The following CTNNA2 variants were observed in gnomAD, a reference collection of about 807,000 sequenced individuals.
CTNNA2 encodes the protein catenin alpha 2.
Under a neutral mutation model 101.0 loss-of-function variants are expected in CTNNA2, and 42 were observed. The observed-to-expected ratio is 0.42, with a 90% CI of 0.32 to 0.54. The LOEUF (loss-of-function observed/expected upper bound fraction) is 0.54, where lower values mean the gene tolerates loss of function less well. Among genes scored for constraint, CTNNA2 ranks in the 20% least tolerant of loss-of-function variants. CTNNA2 has a pLI of 0.14. For missense variants in CTNNA2, 871 were observed against 1,223.1 expected (o/e 0.71, Z 4.29); for synonymous variants, 450 against 456.4 (o/e 0.99, Z 0.18).
chr2:80,374,025 C>T (rs569361079), intron 7 of CTNNA2, among the ~76,000 whole-genome samples: 2 of 151,452 alleles, frequency 1.3e-5, no homozygotes, highest in East Asian at 3.9e-4. Context: ...TTTGCTAGGG[C>T]TACCATAACA....
At chr2:79,343,982 A>G (rs1481818281) in intron 3 of CTNNA2, among the ~76,000 whole-genome samples, 1 of 152,196 alleles carries the variant, frequency 6.6e-6, no homozygotes, top group Non-Finnish European at 1.5e-5. Context: ...TCCAAAACCA[A>G]TGAGGCTCCT....
chr2:79,977,358 G>A (rs1690942346), intron 7 of CTNNA2, among the ~76,000 whole-genome samples: 1 of 151,830 alleles, frequency 6.6e-6, no homozygotes, highest in Non-Finnish European at 1.5e-5. Flanking sequence ...AGCATTTTTG[G>A]TTCCCAAAAC....
intron 4 of CTNNA2, among the ~76,000 whole-genome samples, chr2:79,413,934 CATATATATAT>C (rs70940033): frequency 0.18 from 24,712 of 139,426 alleles, 2,668 homozygotes; most frequent in East Asian, 0.28. Flanking sequence ...GAGCTGAATT[CATATATATAT>C]ATATATATAT....
intron 4 of CTNNA2, among the ~76,000 whole-genome samples, chr2:79,397,652 A>T (rs1195340775): frequency 6.6e-6 from 1 of 151,684 alleles, no homozygotes; most frequent in African/African-American, 2.4e-5. Flanking sequence ...TGTTTGTTAA[A>T]TTTTTTCATT....
chr2:80,009,468 A>G (rs1356579516), intron 7 of CTNNA2, among the ~76,000 whole-genome samples: 1 of 152,088 alleles, frequency 6.6e-6, no homozygotes, highest in Non-Finnish European at 1.5e-5. Context: ...CTGCCTGAAG[A>G]CTCAACTGTG....
chr2:79,465,140 C>G (rs552319387), intron 4 of CTNNA2, among the ~76,000 whole-genome samples: 1 of 152,212 alleles, frequency 6.6e-6, no homozygotes, highest in Admixed American at 6.5e-5. Context: ...GTCTTTAATC[C>G]ATCTTGAATT....
chr2:79,289,000 T>G (rs1172272884), intron 2 of CTNNA2, among the ~76,000 whole-genome samples: 1 of 152,230 alleles, frequency 6.6e-6, no homozygotes, highest in Non-Finnish European at 1.5e-5. Flanking sequence ...ATGTCTGACA[T>G]GTCAAGATAC....
chr2:79,307,326 C>T (rs896945920), intron 2 of CTNNA2, among the ~76,000 whole-genome samples: 3 of 146,006 alleles, frequency 2.1e-5, no homozygotes, highest in Non-Finnish European at 4.5e-5. Context: ...TATAGAGCAC[C>T]GGAACTTACT....
intron 2 of CTNNA2, among the ~76,000 whole-genome samples, chr2:79,268,087 C>A (rs933727496): frequency 1.3e-5 from 2 of 152,078 alleles, no homozygotes; most frequent in Non-Finnish European, 2.9e-5. Flanking sequence ...TATTGAGAAG[C>A]TCATGGTGGC....
At chr2:79,361,404 A>C (rs930734975) in intron 3 of CTNNA2, among the ~76,000 whole-genome samples, 2 of 152,190 alleles carry the variant, frequency 1.3e-5, no homozygotes, top group Admixed American at 1.3e-4. Flanking sequence ...CAGAGAGATG[A>C]ATGGGAAATA....
intron 1 of CTNNA2, among the ~76,000 whole-genome samples, chr2:79,643,471 A>G (rs1558797084): frequency 1.3e-5 from 2 of 152,164 alleles, no homozygotes; most frequent in Non-Finnish European, 2.9e-5. Context: ...CTAATCAATC[A>G]GAAACTCTTG....
intron 2 of CTNNA2, among the ~76,000 whole-genome samples, chr2:79,670,724 A>C (rs928289762): frequency 5.9e-5 from 9 of 152,116 alleles, no homozygotes; most frequent in Non-Finnish European, 1.2e-4. Flanking sequence ...GTGGTTCTGG[A>C]TAATTTGAGT....
intron 2 of CTNNA2, among the ~76,000 whole-genome samples, chr2:79,692,247 C>T (rs989426071): frequency 1.3e-5 from 2 of 152,088 alleles, no homozygotes; most frequent in African/African-American, 4.8e-5. Flanking sequence ...GACATTTATG[C>T]AGCCAACAAA....
intron 1 of CTNNA2, among the ~76,000 whole-genome samples, chr2:79,527,190 A>T (rs989700242): frequency 6.6e-6 from 1 of 152,134 alleles, no homozygotes; most frequent in African/African-American, 2.4e-5. Flanking sequence ...CCTAAATTTA[A>T]AAATGGACAA....
chr2:79,878,049 G>T (rs1293372887), intron 6 of CTNNA2, among the ~76,000 whole-genome samples: 1 of 152,066 alleles, frequency 6.6e-6, no homozygotes, highest in Non-Finnish European at 1.5e-5. Flanking sequence ...TCCCACTTAG[G>T]AATGAGAACA....
Position 80,138,720 on chromosome 2 carries a change from T to C in CTNNA2, c.1056+228923T>C, listed in dbSNP as rs573155658. Among the ~76,000 whole-genome samples, 116 of 152,252 alleles carry C rather than the reference T, an allele frequency of 7.6e-4. 3 individuals carry two copies. In the South Asian group the frequency reaches 0.023, roughly 30 times the overall value. On this transcript the variant is annotated intron_variant, in intron 7 of 18. Coordinates refer to ENST00000402739, the MANE Select transcript of CTNNA2 (RefSeq NM_001282597.3). ...TGGTACTAACTCTCCTCATTCTTGA[T>C]TTTTCTCATCTGTAAAAATGAGGTG...
At chr2:80,495,438 A>G (rs1687374259) in intron 9 of CTNNA2, among the ~76,000 whole-genome samples, 1 of 152,196 alleles carries the variant, frequency 6.6e-6, no homozygotes, top group African/African-American at 2.4e-5. Flanking sequence ...AGATAAGATT[A>G]TGTGGGCTAT....
intron 1 of CTNNA2, among the ~76,000 whole-genome samples, chr2:79,611,446 C>T (rs530419729): frequency 6.6e-6 from 1 of 152,232 alleles, no homozygotes; most frequent in Admixed American, 6.5e-5. Flanking sequence ...ACACAGTTCC[C>T]GCCTTCAAGG....
At chr2:80,107,146 C>T (rs1490442084) in intron 7 of CTNNA2, among the ~76,000 whole-genome samples, 2 of 152,150 alleles carry the variant, frequency 1.3e-5, no homozygotes. Flanking sequence ...AGCCGTAAAG[C>T]GTGAAACCCA....
Sources: allele counts gnomAD v4.1 joint callset (sites outside exome capture counted in the v4.1 genomes callset), GRCh38; gene constraint gnomAD v4.1.1; transcripts MANE v1.5; gene names NCBI Gene and HGNC (gene_info 2026-07-23, HGNC 2026-07-21).